The following NRXN3 variants were observed in gnomAD, a reference collection of about 807,000 sequenced individuals.
NRXN3 encodes the protein neurexin 3.
NRXN3 carries 32 observed loss-of-function variants against 137.6 expected under a neutral mutation model. The observed-to-expected ratio is 0.23, with a 90% CI of 0.18 to 0.31. NRXN3 has a LOEUF of 0.31. Ranked by LOEUF, NRXN3 falls within the 10% of genes least tolerant of loss-of-function variation. The probability of loss-of-function intolerance (pLI) is 1.00; values close to 1 mark genes in which losing one functional copy is unlikely to be tolerated. For synonymous variants in NRXN3, 798 were observed against 784.5 expected (o/e 1.02, Z -0.29); for missense variants, 1,574 against 2,062.5 (o/e 0.76, Z 4.59).
intron 15 of NRXN3, among the ~76,000 whole-genome samples, chr14:79,149,242 C>T (rs1480671805): frequency 2.0e-5 from 3 of 151,952 alleles, no homozygotes; most frequent in Non-Finnish European, 4.4e-5. Flanking sequence ...CAGATCTTCA[C>T]GTTGAAACCC....
chr14:79,272,070 C>A (rs1372353137), intron 15 of NRXN3, among the ~76,000 whole-genome samples: 1 of 152,112 alleles, frequency 6.6e-6, no homozygotes, highest in East Asian at 1.9e-4. Context: ...TTGATGGTCC[C>A]TGCTTTCCCT....
At chr14:79,064,817 GTGTGTGTA>G (rs1248084706) in intron 15 of NRXN3, among the ~76,000 whole-genome samples, 2 of 135,334 alleles carry the variant, frequency 1.5e-5, no homozygotes, top group African/African-American at 5.7e-5. Flanking sequence ...GTGTGTGTGT[GTGTGTGTA>G]TATATAATTA....
chr14:79,122,024 A>T (rs2055529860), intron 15 of NRXN3, among the ~76,000 whole-genome samples: 2 of 152,192 alleles, frequency 1.3e-5, no homozygotes, highest in Non-Finnish European at 2.9e-5. Context: ...ATATCTTCTC[A>T]GAGGATGATC....
intron 15 of NRXN3, among the ~76,000 whole-genome samples, chr14:79,345,496 T>A (rs1327198159): frequency 1.3e-5 from 2 of 152,184 alleles, no homozygotes; most frequent in East Asian, 1.9e-4. Flanking sequence ...AGAATTAGAT[T>A]CACAATGCCA....
intron 8 of NRXN3, among the ~76,000 whole-genome samples, chr14:78,778,335 C>T (rs2098751519): frequency 6.6e-6 from 1 of 152,088 alleles, no homozygotes; most frequent in Admixed American, 6.6e-5. Context: ...GGTTGTGGCC[C>T]ATAGGGTGAT....
chr14:79,826,820 G>A (rs905070613), intron 20 of NRXN3, among the ~76,000 whole-genome samples: 1 of 152,110 alleles, frequency 6.6e-6, no homozygotes, highest in Non-Finnish European at 1.5e-5. Flanking sequence ...TTTGTTTACT[G>A]GTCACAGACC....
intron 15 of NRXN3, among the ~76,000 whole-genome samples, chr14:79,426,752 C>G (rs1343676388): frequency 6.6e-6 from 1 of 152,112 alleles, no homozygotes; most frequent in Non-Finnish European, 1.5e-5. Flanking sequence ...GGAGGGACGG[C>G]TGTTGGAATT....
chr14:79,675,055 C>A (rs1040428908), intron 17 of NRXN3, among the ~76,000 whole-genome samples: 1 of 151,856 alleles, frequency 6.6e-6, no homozygotes, highest in Non-Finnish European at 1.5e-5. Context: ...ATTATTATTA[C>A]CATTTTAGAG....
intron 15 of NRXN3, among the ~76,000 whole-genome samples, chr14:79,210,833 T>C (rs771602968): frequency 4.6e-5 from 7 of 152,146 alleles, no homozygotes; most frequent in Non-Finnish European, 1.0e-4. Flanking sequence ...CTCTTCGTAG[T>C]ATTTGGTGGG....
intron 15 of NRXN3, among the ~76,000 whole-genome samples, chr14:79,173,428 A>G (rs1024588084): frequency 2.0e-5 from 3 of 151,174 alleles, no homozygotes; most frequent in Non-Finnish European, 4.4e-5. Flanking sequence ...GCTATTCAGA[A>G]GACTGAGGTA....
At chr14:78,811,518 G>A (rs1166097950) in intron 10 of NRXN3, among the ~76,000 whole-genome samples, 4 of 152,200 alleles carry the variant, frequency 2.6e-5, no homozygotes, top group African/African-American at 9.7e-5. Flanking sequence ...GTCGGCTAGT[G>A]CACCCAGGAG....
intron 19 of NRXN3, among the ~76,000 whole-genome samples, chr14:79,752,989 T>A (rs996438565): frequency 6.6e-6 from 1 of 151,882 alleles, no homozygotes; most frequent in African/African-American, 2.4e-5. Flanking sequence ...TCACTGGCCA[T>A]CAGAGAAATG....
intron 16 of NRXN3, among the ~76,000 whole-genome samples, chr14:79,488,770 A>G (rs547492580): frequency 6.6e-6 from 1 of 152,226 alleles, no homozygotes; most frequent in Non-Finnish European, 1.5e-5. Context: ...TTTTAAGCTC[A>G]TCAATCAACA....
At chr14:78,913,598 C>T (rs1019268875) in intron 10 of NRXN3, among the ~76,000 whole-genome samples, 1 of 151,982 alleles carries the variant, frequency 6.6e-6, no homozygotes, top group African/African-American at 2.4e-5. Flanking sequence ...TATTAACAGC[C>T]TTCTAATCAC....
intron 8 of NRXN3, among the ~76,000 whole-genome samples, chr14:78,778,678 TTTTC>T (rs56391630): frequency 0.15 from 16,758 of 114,142 alleles, 1,252 homozygotes; most frequent in Middle Eastern, 0.17. Flanking sequence ...TTCTCTTTTC[TTTTC>T]TTTCTTTCTT....
At chr14:78,453,363 C>G (rs1300394452) in intron 4 of NRXN3, among the ~76,000 whole-genome samples, 1 of 152,166 alleles carries the variant, frequency 6.6e-6, no homozygotes, top group African/African-American at 2.4e-5. Context: ...GGCAAGGTGC[C>G]TTGGGAGGAG....
intron 16 of NRXN3, among the ~76,000 whole-genome samples, chr14:79,600,955 A>G (rs185099669): frequency 1.3e-5 from 2 of 151,944 alleles, no homozygotes; most frequent in African/African-American, 4.8e-5. Context: ...AGGAAGTCCA[A>G]TGAATGGGAT....
intron 15 of NRXN3, among the ~76,000 whole-genome samples, chr14:79,232,072 T>C (rs1438015175): frequency 2.6e-5 from 4 of 152,196 alleles, no homozygotes; most frequent in Non-Finnish European, 5.9e-5. Context: ...TATTTTATAT[T>C]CTGTGAGGTA....
rs118089109 is a variant in NRXN3 at position 78,854,161 on chromosome 14, T to C, written c.2275+43817T>C. Among the ~76,000 whole-genome samples, 39 of 152,338 alleles carry C rather than the reference T, an allele frequency of 2.6e-4. No homozygotes were observed. The East Asian group carries it at 6.6e-3, about 26-fold the overall frequency. ...TTCTCTTGTTATTTCCTAGTTGTCA[T>C]ATATCCTTGGCAGCTGTCATCAGCC... On this transcript the variant is annotated intron_variant, in intron 10 of 20. Transcript: ENST00000335750.
Sources: allele counts gnomAD v4.1 joint callset (sites outside exome capture counted in the v4.1 genomes callset), GRCh38; gene constraint gnomAD v4.1.1; transcripts MANE v1.5; gene names NCBI Gene and HGNC (gene_info 2026-07-23, HGNC 2026-07-21).